The following CLPTM1 variants were observed in gnomAD, a reference collection of about 807,000 sequenced individuals.
The protein encoded by CLPTM1 is CLPTM1 regulator of GABA type A receptor forward trafficking.
In CLPTM1, 21 loss-of-function variants were observed where a neutral mutation model predicts 77.3. The ratio of observed to expected loss-of-function variants is 0.27; its 90% CI spans 0.19 to 0.39. The LOEUF is 0.39. Ranked by LOEUF, CLPTM1 falls within the 10% of genes least tolerant of loss-of-function variation. The pLI is 1.00. For missense variants in CLPTM1, 642 were observed against 921.2 expected, an observed-to-expected ratio of 0.70 and a Z score of 3.92; for synonymous variants, 373 against 381.0, an observed-to-expected ratio of 0.98 and a Z score of 0.24.
At chr19:44,955,621 G>A (rs1015221327) in intron 1 of CLPTM1, 154 bp downstream of exon 1, 1 of 709,588 alleles carries the variant, frequency 1.4e-6, no homozygotes, top group Non-Finnish European at 1.9e-6. Flanking sequence ...CGGACCGCCC[G>A]GGAGGCCGGA....
rs1483318372 is a variant in CLPTM1, at chr19:44,991,815, G to A, written c.1556-418G>A. 6.6e-6 allele frequency among the ~76,000 whole-genome samples: 1 copy of A among 152,128 alleles called. No homozygotes were observed. Among genetic ancestry groups the A allele is most frequent in the African/African-American group, 2.4e-5 (1 of 41,424 alleles). ...AGCTACCTGGGAGGCTGAGGTGGGA[G>A]GATCCCTTGAGTCCAGGAGGTTGAA... On this transcript the variant is annotated intron_variant, in intron 12 of 13. Transcript: ENST00000337392. The surrounding 1 kb of genome is among the most constrained non-coding windows in gnomAD (Gnocchi z 5.4).
chr19:44,957,092 AG>A (rs1970476083), intron 1 of CLPTM1, among the ~76,000 whole-genome samples: 1 of 152,222 alleles, frequency 6.6e-6, no homozygotes, highest in African/African-American at 2.4e-5. Context: ...TTCCAAGAGC[AG>A]GGGGGCAAAG....
At chr19:44,974,346 CCT>C (rs1464721782) in intron 3 of CLPTM1, 91 bp from the exon 4 acceptor site, 4 of 1,298,778 alleles carry the variant, frequency 3.1e-6, no homozygotes, top group South Asian at 1.4e-5. Context: ...TTACTGTTCC[CCT>C]GAGTGTGCTG....
intron 5 of CLPTM1, among the ~76,000 whole-genome samples, chr19:44,983,484 G>A (rs895717206): frequency 3.3e-5 from 5 of 151,346 alleles, no homozygotes; most frequent in African/African-American, 1.2e-4. Context: ...CGGGCGTGGT[G>A]GTACACGCCT....
intron 7 of CLPTM1, 31 bp from the exon 8 acceptor site, chr19:44,987,148 C>A (rs752574567): frequency 6.3e-7 from 1 of 1,591,848 alleles, no homozygotes; most frequent in South Asian, 1.1e-5. Flanking sequence ...CCTGCCCGGG[C>A]CAAATGGTGC....
chr19:44,980,551 C>T (rs1970879775), intron 5 of CLPTM1, among the ~76,000 whole-genome samples: 1 of 151,056 alleles, frequency 6.6e-6, no homozygotes, highest in African/African-American at 2.4e-5. Context: ...CCTTTTATCC[C>T]CAAGAGGCCA....
chr19:44,977,777 G>C (rs989212390), intron 5 of CLPTM1, among the ~76,000 whole-genome samples: 3 of 152,132 alleles, frequency 2.0e-5, no homozygotes, highest in Non-Finnish European at 4.4e-5. Flanking sequence ...GAAGGGCCAG[G>C]GTTGACTTTT....
rs747048413 is a variant in CLPTM1, at chr19:44,977,375, C to T, written c.501C>T (p.His167=). ...SVQQNGSIYI[H]VYFTKSGFHP... ...AGCAGAACGGCTCCATCTACATCCACGTTTACTTCACCAAGAGTGGCTTCC... is the reference window on the plus strand; with the variant it reads ...AGCAGAACGGCTCCATCTACATCCATGTTTACTTCACCAAGAGTGGCTTCC... The change falls in exon 5 of 14, where the codon CAC becomes CAT. Residue 167 remains histidine, a synonymous_variant. Coordinates refer to ENST00000337392, the MANE Select transcript of CLPTM1 (RefSeq NM_001294.4). 2.2e-5 allele frequency: 35 copies of T among 1,610,360 alleles called. No homozygotes were observed. Among genetic ancestry groups the T allele is most frequent in the African/African-American group, 2.7e-5 (2 of 74,918 alleles).
chr19:44,965,090 AT>A (rs60794565), intron 2 of CLPTM1, among the ~76,000 whole-genome samples: 2,912 of 147,938 alleles, frequency 0.02, 96 homozygotes, highest in African/African-American at 0.066. Flanking sequence ...TATTCCTTTT[AT>A]TTTTTTTTTG....
chr19:44,990,372 TC>T lies in CLPTM1; in HGVS notation c.1133-17del, dbSNP rs747226973. The T allele has an allele frequency of 1.9e-6, 3 of 1,608,896 alleles. No individual in the cohort carries two copies. The highest frequency in any genetic ancestry group is 1.7e-6 in the Non-Finnish European group (2 of 1,176,202). On this transcript the variant is annotated intron_variant, in intron 9 of 13. Transcript: ENST00000337392. The surrounding 1 kb of genome is among the most constrained non-coding windows in gnomAD (Gnocchi z 4.8). ...CTCAGCACCTCCTCAGCCTCCTGGT[TC>T]CCCCCTACCCCCTGCGCACAGATAT... is the stretch of plus-strand genomic sequence containing the variant.
At position 44,990,916 on chromosome 19, in the gene CLPTM1, A is replaced by G. The variant is rs950452524; in HGVS notation, c.1390A>G (p.Ile464Val). The G allele has an allele frequency of 5.0e-6, 8 of 1,613,706 alleles. No homozygotes were observed. The highest frequency in any genetic ancestry group is 2.2e-5 in the East Asian group (1 of 44,894). Residue 464 changes from isoleucine to valine, a missense_variant, in exon 11 of 14, where the codon ATC becomes GTC. Transcript: ENST00000337392. The surrounding 1 kb of genome is among the most constrained non-coding windows in gnomAD (Gnocchi z 4.8). ...ATCCTTCAAGGACAAGTCCACGTAT[A>G]TCGAGTCCTCGACCAAAGTGTATGA... ...RLSFKDKSTY[I>V]ESSTKVYDDM...
Position 44,985,214 on chromosome 19 carries a change from A to G in CLPTM1, c.587-4A>G. The stretch of plus-strand genomic sequence containing the variant: ...TCCCCTCCTTTCCCACCTCCCAACC[A>G]CAGTGATCAACAAATACAAGCGCAG... On this transcript the variant is annotated splice_polypyrimidine_tract_variant and splice_region_variant and intron_variant, in intron 5 of 13. Coordinates refer to ENST00000337392, the MANE Select transcript of CLPTM1 (RefSeq NM_001294.4). 1 of 1,612,754 alleles carries G rather than the reference A, an allele frequency of 6.2e-7. No homozygotes were observed. Among genetic ancestry groups the G allele is most frequent in the Non-Finnish European group, 8.5e-7 (1 of 1,179,046 alleles).
rs956218363 is a variant in CLPTM1 at position 44,990,255 on chromosome 19, G to A, written c.1133-140G>A. The A allele has an allele frequency of 3.6e-5, 28 of 773,378 alleles. 1 individual carries two copies. Among genetic ancestry groups the A allele is most frequent in the African/African-American group, 1.9e-4 (11 of 57,636 alleles). The allele number at this position is 773,378 out of a possible 1,614,324, so 47.9% of individuals were successfully genotyped here. ...AATATGAGAGCCTTCCTGGGAGAGA[G>A]GGGTCTCGTTCAGCACCCCTCCTGA... On this transcript the variant is annotated intron_variant, in intron 9 of 13. Transcript: ENST00000337392. This position sits in a 1 kb window ranked among gnomAD's most constrained non-coding sequence, Gnocchi z 4.8.
At chr19:44,965,543 G>C (rs950103484) in intron 2 of CLPTM1, among the ~76,000 whole-genome samples, 1 of 151,820 alleles carries the variant, frequency 6.6e-6, no homozygotes, top group Admixed American at 6.6e-5. Flanking sequence ...GCTGGGCGCG[G>C]TGGCTCACGC....
intron 7 of CLPTM1, 87 bp downstream of exon 7, chr19:44,986,662 C>T (rs1970983058): frequency 2.0e-6 from 3 of 1,518,534 alleles, no homozygotes; most frequent in East Asian, 2.3e-5. Context: ...GGCCCTGTCC[C>T]CCTGAGAGAG....
At chr19:44,954,769 T>G, upstream of CLPTM1, 1 of 1,350,732 alleles carries the variant, frequency 7.4e-7, no homozygotes, top group Non-Finnish European at 9.6e-7. Context: ...GGGTGTATCA[T>G]AGGGTCTCAT....
intron 1 of CLPTM1, among the ~76,000 whole-genome samples, chr19:44,956,199 C>T (rs999219061): frequency 6.6e-6 from 1 of 152,180 alleles, no homozygotes; most frequent in African/African-American, 2.4e-5. Context: ...TCGACCCACC[C>T]ACTGGGATGT....
At chr19:44,981,347 G>A (rs1338183101) in intron 5 of CLPTM1, among the ~76,000 whole-genome samples, 1 of 151,686 alleles carries the variant, frequency 6.6e-6, no homozygotes, top group African/African-American at 2.4e-5. Context: ...CTCCATGTTG[G>A]TCAGGCTGGT....
intron 1 of CLPTM1, among the ~76,000 whole-genome samples, chr19:44,959,393 C>T (rs142882265): frequency 4.0e-5 from 6 of 151,890 alleles, no homozygotes; most frequent in Non-Finnish European, 5.9e-5. Flanking sequence ...CATGCTCTGT[C>T]GCCTAGGCTG....
Sources: gnomAD v4.1 joint callset for allele counts (sites outside exome capture counted in the v4.1 genomes callset) on GRCh38, gnomAD v4.1.1 for gene constraint, Gnocchi (gnomAD v3.1) non-coding constraint, MANE v1.5 for transcripts, NCBI Gene and HGNC (gene_info 2026-07-23, HGNC 2026-07-21) for gene names.